STX12: variants seen among roughly 807,000 people sequenced by gnomAD.
STX12 encodes the protein syntaxin-12.
A neutral mutation model predicts 42.2 loss-of-function variants in STX12; 17 were observed. The ratio of observed to expected loss-of-function variants is 0.40; its 90% confidence interval spans 0.28 to 0.60. The LOEUF is 0.60. STX12 is among the 20% of genes least tolerant of loss of function. The pLI is 0.39. For synonymous variants in STX12, 108 were observed against 116.7 expected (o/e 0.93, Z 0.48); for missense variants, 297 against 330.9 (o/e 0.90, Z 0.79).
chr1:27,818,518 G>A (rs2148608423), intron 7 of STX12, among the ~76,000 whole-genome samples: 1 of 152,224 alleles, frequency 6.6e-6, no homozygotes. Flanking sequence ...AGTTAAATGA[G>A]GCCTCATGAA....
chr1:27,807,932 A>G (rs1408232364), intron 4 of STX12, among the ~76,000 whole-genome samples: 1 of 152,234 alleles, frequency 6.6e-6, no homozygotes, highest in Non-Finnish European at 1.5e-5. Context: ...GCACTAAAGA[A>G]TATAAACAGT....
intron 1 of STX12, chr1:27,773,983 T>A (rs1400885731): frequency 6.6e-6 from 1 of 152,244 alleles, no homozygotes; most frequent in Non-Finnish European, 1.5e-5. Flanking sequence ...TCAGACACAA[T>A]GACTGGTATT....
chr1:27,805,387 GT>G (rs2088856393), intron 4 of STX12, among the ~76,000 whole-genome samples: 1 of 151,936 alleles, frequency 6.6e-6, no homozygotes, highest in Non-Finnish European at 1.5e-5. Flanking sequence ...TTAAAAAATT[GT>G]GTTTCCAAGA....
At position 27,792,347 on chromosome 1, in the gene STX12, G is replaced by A; in HGVS notation, c.189-1186G>A. On this transcript the variant is annotated intron_variant, in intron 2 of 8. Transcript: ENST00000373943. ...ATATATATGTATCTATATATATGTA[G>A]ATACATATATATGTATATATATATC... is the stretch of plus-strand genomic sequence containing the variant. 2.9e-5 allele frequency among the ~76,000 whole-genome samples: 3 copies of A among 103,150 alleles called. No homozygotes were observed. The South Asian group carries it at 8.2e-4, about 28-fold the overall frequency. 67.7% of individuals were successfully genotyped at this position (103,150 alleles called of 152,430 possible).
chr1:27,821,689 T>C (rs1458182698), intron 8 of STX12, among the ~76,000 whole-genome samples: 2 of 152,134 alleles, frequency 1.3e-5, no homozygotes, highest in Non-Finnish European at 2.9e-5. Flanking sequence ...CTTTGCAAAA[T>C]TGTATGTGGG....
At chr1:27,778,399 C>A (rs1045113391) in intron 1 of STX12, among the ~76,000 whole-genome samples, 12 of 152,068 alleles carry the variant, frequency 7.9e-5, no homozygotes, top group African/African-American at 2.9e-4. Flanking sequence ...GATTAAAGAA[C>A]AGCATTTCTG....
At chr1:27,810,182 C>G in intron 4 of STX12, 64 bp from the exon 5 acceptor site, 1 of 1,514,472 alleles carries the variant, frequency 6.6e-7, no homozygotes, top group South Asian at 1.1e-5. Context: ...TAAGGAAGCC[C>G]TTGTTTTGTG....
rs575821635 is a variant in STX12, at chr1:27,784,835, A to G, written c.119-4727A>G. On this transcript the variant is annotated intron_variant, in intron 1 of 8. Transcript: ENST00000373943. The stretch of plus-strand genomic sequence containing the variant: ...TATCTTAATATTTAGGAATTTAGAA[A>G]GTGTTAAGGCTTAGATTAATTCTGG... 2.0e-5 allele frequency among the ~76,000 whole-genome samples: 3 copies of G among 152,254 alleles called. No homozygotes were observed. The East Asian group carries it at 5.8e-4, about 29-fold the overall frequency.
At chr1:27,778,070 A>G (rs2088638932) in intron 1 of STX12, among the ~76,000 whole-genome samples, 1 of 152,124 alleles carries the variant, frequency 6.6e-6, no homozygotes, top group Non-Finnish European at 1.5e-5. Context: ...AGACATATAT[A>G]TTACCCACAC....
At chr1:27,820,096 G>A (rs2088974078) in intron 8 of STX12, 1 of 161,394 alleles carries the variant, frequency 6.2e-6, no homozygotes, top group Non-Finnish European at 1.4e-5. Context: ...GTTGAGTGTT[G>A]CCATAGAGGA....
At chr1:27,818,115 G>T in intron 7 of STX12, 192 bp downstream of exon 7, 1 of 523,644 alleles carries the variant, frequency 1.9e-6, no homozygotes, top group South Asian at 2.2e-5. Context: ...AGGCGTGGTG[G>T]CTCAGGCCTG....
At chr1:27,774,760 C>T (rs1029226158) in intron 1 of STX12, among the ~76,000 whole-genome samples, 3 of 152,110 alleles carry the variant, frequency 2.0e-5, no homozygotes, top group Non-Finnish European at 1.5e-5. Flanking sequence ...TGGTACAATC[C>T]TAGCTCACTA....
chr1:27,792,169 T>G (rs1392455618), intron 2 of STX12, among the ~76,000 whole-genome samples: 1 of 131,048 alleles, frequency 7.6e-6, no homozygotes, highest in African/African-American at 3.4e-5. Context: ...TATATATGTA[T>G]ATACATATAT....
In STX12 at chr1:27,816,620, AAGGG is replaced by A. The variant is rs1056254912; in HGVS notation, c.577-1215_577-1212del. ...GGGAGGGAGGGAGGGATAGAGAGAG[AAGGG>A]AGGGAGGGAGGGAGGCCAGGCACAG... On this transcript the variant is annotated intron_variant, in intron 6 of 8. Transcript: ENST00000373943. Among the ~76,000 whole-genome samples, 182 of 134,364 alleles carry A rather than the reference AAGGG, an allele frequency of 1.4e-3. 1 individual carries two copies. Among genetic ancestry groups the A allele is most frequent in the Non-Finnish European group, 1.4e-3 (84 of 61,372 alleles). 88.1% of individuals were successfully genotyped at this position (134,364 alleles called of 152,430 possible).
At position 27,793,778 on chromosome 1, in the gene STX12, G is replaced by A. The variant is rs1306081648; in HGVS notation, c.288+146G>A. 3 of 611,924 alleles carry A rather than the reference G, an allele frequency of 4.9e-6. No homozygotes were observed. In the East Asian group the frequency reaches 8.3e-5, roughly 17 times the overall value. 37.9% of individuals were successfully genotyped at this position (611,924 alleles called of 1,614,324 possible). A position where few individuals can be genotyped will look rare whatever the true frequency, so the allele number is the denominator to read the frequency against. On this transcript the variant is annotated intron_variant, in intron 3 of 8. Transcript: ENST00000373943. ...CCTCAGTTTCTTATCCATCAAGTGG[G>A]GGATATGTGACTGTTGGGGCAATAG... is the stretch of plus-strand genomic sequence containing the variant.
chr1:27,786,805 C>G (rs1189355071), intron 1 of STX12, among the ~76,000 whole-genome samples: 1 of 152,198 alleles, frequency 6.6e-6, no homozygotes, highest in Non-Finnish European at 1.5e-5. Flanking sequence ...ATAGTAGATG[C>G]TCAGTAAATG....
At chr1:27,812,432 C>G (rs546111255) in intron 6 of STX12, among the ~76,000 whole-genome samples, 164 bp downstream of exon 6, 2 of 142,914 alleles carry the variant, frequency 1.4e-5, no homozygotes, top group Admixed American at 1.3e-4. Context: ...TTTGAACTAC[C>G]GGTTTTTTTT....
At chr1:27,799,485 T>TG (rs913039707) in intron 3 of STX12, among the ~76,000 whole-genome samples, 7 of 149,088 alleles carry the variant, frequency 4.7e-5, no homozygotes, top group African/African-American at 1.8e-4. Context: ...TTGTTTTTTT[T>TG]TTTGTTTTTT....
chr1:27,792,224 G>A (rs1271586318), intron 2 of STX12, among the ~76,000 whole-genome samples: 2 of 92,148 alleles, frequency 2.2e-5, no homozygotes, highest in African/African-American at 4.4e-5. Flanking sequence ...CTATATATAT[G>A]TATATACATA....
Sources: allele counts gnomAD v4.1 joint callset (sites outside exome capture counted in the v4.1 genomes callset), GRCh38; gene constraint gnomAD v4.1.1; transcripts MANE v1.5; gene names NCBI Gene and HGNC (gene_info 2026-07-23, HGNC 2026-07-21).